CLASP2: variants seen among roughly 807,000 people sequenced by gnomAD.
The protein encoded by CLASP2 is CLIP-associating protein 2.
Under a neutral mutation model 194.4 loss-of-function variants are expected in CLASP2, and 47 were observed. The observed-to-expected ratio is 0.24, with a 90% CI of 0.19 to 0.31. CLASP2 has a LOEUF of 0.31. Ranked by LOEUF, CLASP2 falls within the 10% of genes least tolerant of loss-of-function variation. CLASP2 has a pLI of 1.00. For missense variants in CLASP2, 1,445 were observed against 1,823.6 expected (o/e 0.79, Z 3.78); for synonymous variants, 619 against 633.5 (o/e 0.98, Z 0.34).
At chr3:33,575,564 T>A (rs868187969) in intron 24 of CLASP2, among the ~76,000 whole-genome samples, 12 of 152,270 alleles carry the variant, frequency 7.9e-5, no homozygotes, top group Middle Eastern at 6.8e-3. Flanking sequence ...CATACATTTT[T>A]AAAAATGCTA....
chr3:33,662,207 C>T (rs944150894), intron 7 of CLASP2, among the ~76,000 whole-genome samples: 1 of 152,092 alleles, frequency 6.6e-6, no homozygotes, highest in Non-Finnish European at 1.5e-5. Flanking sequence ...ACAGTGCTTT[C>T]GAAATAAACC....
intron 7 of CLASP2, chr3:33,659,435 T>C (rs1458607302): frequency 7.0e-6 from 7 of 995,284 alleles, no homozygotes; most frequent in Admixed American, 6.0e-5. Flanking sequence ...ATGTAATCAG[T>C]AGCAATCACA....
At chr3:33,708,536 GTATATATGTATATATATA>G (rs2092832742) in intron 1 of CLASP2, among the ~76,000 whole-genome samples, 2 of 12,810 alleles carry the variant, frequency 1.6e-4, no homozygotes, top group Admixed American at 1.5e-3. Context: ...ATATATATAT[GTATATATGTATATATATA>G]TATATATACA....
intron 29 of CLASP2, among the ~76,000 whole-genome samples, chr3:33,557,401 T>TA (rs1396961732): frequency 1.3e-5 from 2 of 150,984 alleles, no homozygotes; most frequent in African/African-American, 4.9e-5. Flanking sequence ...CTCTGTCTCT[T>TA]AAAAAAAGAG....
intron 17 of CLASP2, 24 bp from the exon 18 acceptor site, chr3:33,603,149 A>G: frequency 6.6e-7 from 1 of 1,521,594 alleles, no homozygotes; most frequent in Non-Finnish European, 8.8e-7. Flanking sequence ...AGCAAAGATA[A>G]CTTATATCAT....
chr3:33,596,657 T>G lies in CLASP2; in HGVS notation c.1948+54A>C, dbSNP rs905370942. 48 of 1,255,576 alleles carry G rather than the reference T, an allele frequency of 3.8e-5. No homozygotes were observed. In the East Asian group the frequency reaches 1.2e-3, roughly 31 times the overall value. 77.8% of individuals were successfully genotyped at this position (1,255,576 alleles called of 1,614,324 possible). A position where few individuals can be genotyped will look rare whatever the true frequency, so the allele number is the denominator to read the frequency against. ...GAGAAGAATGAACAAGGATATTATA[T>G]AGAATCCAGGTTCCATAAAAATCTT... On this transcript the variant is annotated intron_variant, in intron 19 of 38. Coordinates refer to ENST00000682230, the MANE Select transcript of CLASP2 (RefSeq NM_001365631.1).
At chr3:33,681,782 C>G (rs2089895720) in intron 6 of CLASP2, among the ~76,000 whole-genome samples, 1 of 152,196 alleles carries the variant, frequency 6.6e-6, no homozygotes, top group Non-Finnish European at 1.5e-5. Flanking sequence ...AAGCCTCAAG[C>G]TGAAATCTGA....
chr3:33,560,852 A>C lies in CLASP2; in HGVS notation c.2886T>G (p.Leu962=). ...TCTGAACTTTTGCCTGAACAGATCC[A>C]AGCAAATCAGCACCCATTTTTTTTA... ...QLLKKMGADL[L]GSVQAKVQKA... is the part of the protein sequence containing the mutation. The change falls in exon 28 of 39, where the codon CTT becomes CTG. Residue 962 remains leucine (L), a synonymous_variant. Coordinates refer to ENST00000682230, the MANE Select transcript of CLASP2 (RefSeq NM_001365631.1). The C allele has an allele frequency of 6.2e-7, 1 of 1,613,998 alleles. No homozygotes were observed. Among genetic ancestry groups the C allele is most frequent in the Non-Finnish European group, 8.5e-7 (1 of 1,179,874 alleles).
chr3:33,693,349 T>G (rs1307122327), intron 2 of CLASP2, among the ~76,000 whole-genome samples: 1 of 152,236 alleles, frequency 6.6e-6, no homozygotes, highest in Non-Finnish European at 1.5e-5. Flanking sequence ...GCACCAAAAC[T>G]AAACATTATC....
intron 26 of CLASP2, among the ~76,000 whole-genome samples, chr3:33,569,208 T>C (rs2063319785): frequency 6.6e-6 from 1 of 152,226 alleles, no homozygotes; most frequent in South Asian, 2.1e-4. Flanking sequence ...CTCAGTTAAG[T>C]TCCTATACCA....
intron 26 of CLASP2, among the ~76,000 whole-genome samples, chr3:33,568,468 C>T (rs1192915237): frequency 1.6e-5 from 2 of 129,026 alleles, no homozygotes; most frequent in Non-Finnish European, 1.8e-5. Context: ...GCATGAGAAT[C>T]GCTTGAACCC....
intron 9 of CLASP2, among the ~76,000 whole-genome samples, chr3:33,629,571 C>T (rs2078682766): frequency 6.6e-6 from 1 of 151,944 alleles, no homozygotes; most frequent in African/African-American, 2.4e-5. Context: ...TGTCTGATAG[C>T]TATATTAAGC....
chr3:33,685,492 G>A (rs911541020), intron 5 of CLASP2, among the ~76,000 whole-genome samples: 1 of 151,676 alleles, frequency 6.6e-6, no homozygotes, highest in Non-Finnish European at 1.5e-5. Context: ...AACTCAAACA[G>A]ATACTTTTTA....
chr3:33,670,160 G>T (rs1436216276), intron 6 of CLASP2, among the ~76,000 whole-genome samples: 4 of 151,768 alleles, frequency 2.6e-5, no homozygotes, highest in Admixed American at 2.0e-4. Flanking sequence ...ACAGAAAGAA[G>T]TCAAACACAA....
intron 21 of CLASP2, among the ~76,000 whole-genome samples, chr3:33,591,555 G>A (rs540382511): frequency 6.0e-4 from 91 of 152,340 alleles, no homozygotes; most frequent in Non-Finnish European, 1.2e-3. Context: ...AGGCTGCAAT[G>A]AGCTATTATC....
chr3:33,690,801 A>G (rs935061514), intron 2 of CLASP2, among the ~76,000 whole-genome samples: 13 of 152,244 alleles, frequency 8.5e-5, no homozygotes, highest in African/African-American at 2.6e-4. Flanking sequence ...TGTTCATGCT[A>G]CCTGCCTATT....
chr3:33,604,160 C>T lies in CLASP2; in HGVS notation c.1744G>A (p.Gly582Arg). ...TATTTAAAGAGAAAATTACCTCTTCCAGCCACAGTTGATGGATTTGCTGTA... is the reference window on the plus strand; with the variant it reads ...TATTTAAAGAGAAAATTACCTCTTCTAGCCACAGTTGATGGATTTGCTGTA... The part of the protein sequence containing the change: ...WSTANPSTVA[G>R]RVSAGSSKAS... Residue 582 changes from glycine (G) to arginine (R), a missense_variant, in exon 17 of 39, where the codon GGA becomes AGA. Physicochemically the swap from Gly to Arg is moderately radical, Grantham distance 125. Transcript: ENST00000682230. 1.3e-6 allele frequency: 2 copies of T among 1,557,040 alleles called. No individual in the cohort carries two copies. The highest frequency in any genetic ancestry group is 1.4e-5 in the African/African-American group (1 of 73,374).
At chr3:33,712,127 C>T (rs147366565) in intron 1 of CLASP2, among the ~76,000 whole-genome samples, 1 of 152,214 alleles carries the variant, frequency 6.6e-6, no homozygotes, top group African/African-American at 2.4e-5. Flanking sequence ...TGCCCATTAA[C>T]CAATGAGTGA....
At chr3:33,623,879 G>A (rs1328895417) in intron 10 of CLASP2, among the ~76,000 whole-genome samples, 1 of 151,730 alleles carries the variant, frequency 6.6e-6, no homozygotes, top group African/African-American at 2.4e-5. Flanking sequence ...CCTGCATGTG[G>A]TTTATACAAT....
Sources: allele counts gnomAD v4.1 joint callset (sites outside exome capture counted in the v4.1 genomes callset), GRCh38; gene constraint gnomAD v4.1.1; transcripts MANE v1.5; gene names NCBI Gene and HGNC (gene_info 2026-07-23, HGNC 2026-07-21).